Variants in DMXL2 observed in about 807,000 individuals in gnomAD.
DMXL2 encodes Dmx like 2, also known as dmX-like protein 2.
Under a neutral mutation model 331.1 loss-of-function variants are expected in DMXL2, and 103 were observed. That is an observed-to-expected ratio of 0.31 (90% CI 0.27 to 0.37). The LOEUF (loss-of-function observed/expected upper bound fraction) is 0.37, where lower values mean the gene tolerates loss of function less well. DMXL2 is among the 10% of genes least tolerant of loss of function. The pLI is 1.00. For synonymous variants in DMXL2, 1,281 were observed against 1,252.1 expected (o/e 1.02, Z -0.49); for missense variants, 3,171 against 3,642.9 (o/e 0.87, Z 3.33).
At chr15:51,461,895 T>C (rs1386675808) in intron 33 of DMXL2, among the ~76,000 whole-genome samples, 1 of 151,520 alleles carries the variant, frequency 6.6e-6, no homozygotes, top group African/African-American at 2.4e-5. Flanking sequence ...TTTATGGAAT[T>C]TGGACTCAGC....
intron 19 of DMXL2, among the ~76,000 whole-genome samples, chr15:51,494,483 T>C (rs1036058137): frequency 3.3e-5 from 5 of 152,178 alleles, no homozygotes; most frequent in African/African-American, 9.6e-5. Flanking sequence ...TTTAATTCTA[T>C]AGTTTCAATT....
chr15:51,549,277 G>A (rs549809932), intron 6 of DMXL2, among the ~76,000 whole-genome samples: 5 of 152,034 alleles, frequency 3.3e-5, no homozygotes, highest in East Asian at 1.9e-4. Flanking sequence ...AGGTTGCTGC[G>A]AATGTCATTT....
rs78638675 is a variant in DMXL2 at position 51,590,591 on chromosome 15, T to A, written c.88-14410A>T. Among the ~76,000 whole-genome samples the A allele has an allele frequency of 9.5e-3, 1,438 of 151,790 alleles. 16 individuals carry two copies. The highest frequency in any genetic ancestry group is 0.033 in the African/African-American group (1,368 of 41,330). On this transcript the variant is annotated intron_variant, in intron 1 of 43. Coordinates refer to ENST00000560891, the MANE Select transcript of DMXL2 (RefSeq NM_001378457.1). ...AATTTTTTTTTTTTAAGAGATGGGG[T>A]CTCAATATGTTAGTTGGACTCAAAC...
At chr15:51,555,693 G>C (rs1031605187) in intron 6 of DMXL2, among the ~76,000 whole-genome samples, 3 of 151,990 alleles carry the variant, frequency 2.0e-5, no homozygotes, top group Non-Finnish European at 4.4e-5. Context: ...ATGTATTATA[G>C]ATATTAAAAG....
intron 20 of DMXL2, among the ~76,000 whole-genome samples, chr15:51,490,436 T>C (rs2042711055): frequency 6.6e-6 from 1 of 152,188 alleles, no homozygotes; most frequent in Non-Finnish European, 1.5e-5. Context: ...GAGAAACAAA[T>C]TCATACTTCA....
At chr15:51,615,967 T>C (rs1027805193) in intron 1 of DMXL2, among the ~76,000 whole-genome samples, 1 of 152,210 alleles carries the variant, frequency 6.6e-6, no homozygotes, top group African/African-American at 2.4e-5. Flanking sequence ...AGTTTCTCCT[T>C]AGATCACAAG....
intron 13 of DMXL2, among the ~76,000 whole-genome samples, chr15:51,526,177 G>A (rs933940272): frequency 8.8e-5 from 11 of 125,560 alleles, no homozygotes; most frequent in South Asian, 3.3e-4. Flanking sequence ...AAAGAAGGGG[G>A]GTGGGTGGGG....
intron 13 of DMXL2, among the ~76,000 whole-genome samples, chr15:51,519,633 C>CGTTTTTT (rs1567060228): frequency 1.7e-5 from 2 of 118,318 alleles, no homozygotes; most frequent in African/African-American, 6.5e-5. Context: ...GACAAAGTCT[C>CGTTTTTT]TTGTTTTTTT....
intron 40 of DMXL2, among the ~76,000 whole-genome samples, chr15:51,454,935 T>C (rs994383620): frequency 6.6e-6 from 1 of 152,194 alleles, no homozygotes; most frequent in Non-Finnish European, 1.5e-5. Flanking sequence ...TTTTAAAATA[T>C]AAACTGTACT....
At chr15:51,520,896 G>C (rs963470082) in intron 13 of DMXL2, among the ~76,000 whole-genome samples, 2 of 151,998 alleles carry the variant, frequency 1.3e-5, no homozygotes, top group African/African-American at 4.8e-5. Context: ...ACATAAATGG[G>C]AGTAAAAACA....
Position 51,486,075 on chromosome 15 carries a change from T to C in DMXL2, c.5480A>G (p.Gln1827Arg), listed in dbSNP as rs1428555457. ...AAGAAATCCACAAAACGTCCTACCT[T>C]GATGTTCATCATCCTCCTTTGGTGT... ...EQTPKEDDEH[Q>R]VIIKSCNPVA... The change falls in exon 23 of 44, where the codon CAA becomes CGA. Residue 1827 changes from glutamine to arginine, a missense_variant and splice_region_variant. Physicochemically the swap from Gln to Arg is conservative, Grantham distance 43 (BLOSUM62 1). Transcript: ENST00000560891. The C allele has an allele frequency of 6.3e-7, 1 of 1,591,504 alleles. No homozygotes were observed. Among genetic ancestry groups the C allele is most frequent in the South Asian group, 1.1e-5 (1 of 88,024 alleles).
intron 16 of DMXL2, among the ~76,000 whole-genome samples, chr15:51,506,911 A>AT (rs989792060): frequency 2.6e-5 from 4 of 151,950 alleles, no homozygotes; most frequent in African/African-American, 9.7e-5. Context: ...CAAAGCTTTT[A>AT]TTTTTTTTCA....
At chr15:51,487,416 T>C (rs1449710096) in intron 22 of DMXL2, among the ~76,000 whole-genome samples, 3 of 148,714 alleles carry the variant, frequency 2.0e-5, no homozygotes, top group Non-Finnish European at 4.6e-5. Context: ...TTTTCATATA[T>C]TTTACACATA....
At chr15:51,473,952 C>T (rs1220995831) in intron 28 of DMXL2, among the ~76,000 whole-genome samples, 1 of 151,874 alleles carries the variant, frequency 6.6e-6, no homozygotes, top group Non-Finnish European at 1.5e-5. Context: ...AGATTTTGAA[C>T]ACTTACTTAA....
intron 13 of DMXL2, among the ~76,000 whole-genome samples, chr15:51,533,319 C>T (rs1200534082): frequency 6.6e-6 from 1 of 152,002 alleles, no homozygotes; most frequent in African/African-American, 2.4e-5. Context: ...CCGTGCCTGG[C>T]TACATTATAT....
At chr15:51,575,645 A>G (rs965842781) in intron 2 of DMXL2, among the ~76,000 whole-genome samples, 2 of 152,198 alleles carry the variant, frequency 1.3e-5, no homozygotes, top group African/African-American at 4.8e-5. Flanking sequence ...CACTTCCTAT[A>G]TGACAAGCAT....
intron 1 of DMXL2, among the ~76,000 whole-genome samples, chr15:51,592,910 G>A (rs1267969707): frequency 6.6e-6 from 1 of 152,112 alleles, no homozygotes; most frequent in African/African-American, 2.4e-5. Context: ...AGCTCCTGAA[G>A]GAAGCACTAA....
rs753610357 is a variant in DMXL2, at chr15:51,622,541, T to A, written c.5A>T (p.His2Leu). The A allele has an allele frequency of 1.3e-6, 2 of 1,555,160 alleles. No homozygotes were observed. Reference protein sequence around the residue: MHLHQVLTGAVN... With the variant: MLLHQVLTGAVN... Reference sequence around the variant, plus strand: ...AGCTCCGGTGAGGACCTGATGCAGATGCATCTCCGGAGCCCGGGCTGGACA... The same window carrying A: ...AGCTCCGGTGAGGACCTGATGCAGAAGCATCTCCGGAGCCCGGGCTGGACA... The change falls in exon 1 of 44, where the codon CAT (histidine) becomes CTT (leucine). Residue 2 changes from histidine to leucine, a missense_variant. Coordinates refer to ENST00000560891, the MANE Select transcript of DMXL2 (RefSeq NM_001378457.1).
At chr15:51,498,268 C>G (rs1596015041) in intron 18 of DMXL2, among the ~76,000 whole-genome samples, 1 of 151,942 alleles carries the variant, frequency 6.6e-6, no homozygotes, top group South Asian at 2.1e-4. Context: ...CCCACCCAAA[C>G]ACACACAAAA....
Sources: allele counts gnomAD v4.1 joint callset (sites outside exome capture counted in the v4.1 genomes callset), GRCh38; gene constraint gnomAD v4.1.1; transcripts MANE v1.5; gene names NCBI Gene and HGNC (gene_info 2026-07-23, HGNC 2026-07-21).